Variants in SGCZ observed in about 807,000 individuals in gnomAD.
The protein encoded by SGCZ is sarcoglycan zeta.
Under a neutral mutation model 41.3 loss-of-function variants are expected in SGCZ, and 40 were observed. The ratio of observed to expected loss-of-function variants is 0.97; its 90% CI spans 0.75 to 1.26. The LOEUF (loss-of-function observed/expected upper bound fraction) is 1.26, where lower values mean the gene tolerates loss of function less well. Ranked by LOEUF, SGCZ falls within the 50% of genes most tolerant of loss-of-function variation. SGCZ has a pLI of 0.00. For synonymous variants in SGCZ, 206 were observed against 137.5 expected, an observed-to-expected ratio of 1.50 and a Z score of -3.49; for missense variants, 552 against 369.8, an observed-to-expected ratio of 1.49 and a Z score of -4.04.
chr8:14,277,862 T>C (rs1464909727), intron 3 of SGCZ, among the ~76,000 whole-genome samples: 2 of 151,782 alleles, frequency 1.3e-5, no homozygotes, highest in Non-Finnish European at 2.9e-5. Flanking sequence ...TTTAGGAATG[T>C]AAGCAAATAA....
At chr8:15,175,109 T>C (rs1026389379) in intron 1 of SGCZ, among the ~76,000 whole-genome samples, 1 of 151,344 alleles carries the variant, frequency 6.6e-6, no homozygotes, top group African/African-American at 2.4e-5. Flanking sequence ...GAACTTAAAG[T>C]AAACTAAAAA....
chr8:14,551,543 AT>A (rs1803845178), intron 2 of SGCZ, among the ~76,000 whole-genome samples: 1 of 3,730 alleles, frequency 2.7e-4, no homozygotes, highest in African/African-American at 6.4e-4. Context: ...AATATATATA[AT>A]ATATATAATA....
intron 2 of SGCZ, among the ~76,000 whole-genome samples, chr8:14,392,530 T>C (rs1804812874): frequency 6.6e-6 from 1 of 152,324 alleles, no homozygotes; most frequent in African/African-American, 2.4e-5. Context: ...AAGCAGATTG[T>C]ACTATATTCA....
chr8:14,095,753 T>G (rs1445358134), intron 7 of SGCZ, among the ~76,000 whole-genome samples: 3 of 152,314 alleles, frequency 2.0e-5, no homozygotes, highest in Admixed American at 2.0e-4. Flanking sequence ...TGTTTTTCCA[T>G]TTGTTTGTGT....
At chr8:14,271,264 T>A (rs1210840074) in intron 3 of SGCZ, among the ~76,000 whole-genome samples, 1 of 152,202 alleles carries the variant, frequency 6.6e-6, no homozygotes, top group Non-Finnish European at 1.5e-5. Flanking sequence ...AAAAGATCTG[T>A]GAATCGTGTT....
chr8:15,002,750 T>A (rs555631630), intron 1 of SGCZ, among the ~76,000 whole-genome samples: 1 of 152,182 alleles, frequency 6.6e-6, no homozygotes, highest in African/African-American at 2.4e-5. Context: ...TCTGCAAATA[T>A]TCTTTTGTAA....
chr8:14,434,753 C>G (rs962406954), intron 2 of SGCZ, among the ~76,000 whole-genome samples: 1 of 152,024 alleles, frequency 6.6e-6, no homozygotes, highest in Non-Finnish European at 1.5e-5. Flanking sequence ...AAGTTGAGTT[C>G]TTGATTCTCA....
rs539680772 is a variant in SGCZ at position 14,390,501 on chromosome 8, T to C, written c.235-66297A>G. 1.4e-4 allele frequency among the ~76,000 whole-genome samples: 21 copies of C among 151,790 alleles called. No homozygotes were observed. The South Asian group carries it at 4.4e-3, about 31-fold the overall frequency. Reference sequence around the variant, plus strand: ...AAGACTTTTAAACACAGAGGATAAATTCCATAAGGAACATGAAATTTACAT... The same window carrying C: ...AAGACTTTTAAACACAGAGGATAAACTCCATAAGGAACATGAAATTTACAT... On this transcript the variant is annotated intron_variant, in intron 2 of 7. Coordinates refer to ENST00000382080, the MANE Select transcript of SGCZ (RefSeq NM_139167.4).
chr8:14,632,485 G>A (rs1190865098), intron 1 of SGCZ, among the ~76,000 whole-genome samples: 2 of 152,044 alleles, frequency 1.3e-5, no homozygotes, highest in Admixed American at 6.6e-5. Context: ...GTTATTCAAC[G>A]TATGGCTTCA....
At chr8:14,720,907 A>C (rs1035946773) in intron 1 of SGCZ, among the ~76,000 whole-genome samples, 1 of 62,782 alleles carries the variant, frequency 1.6e-5, no homozygotes, top group Non-Finnish European at 3.5e-5. Context: ...TACTTCATGG[A>C]AACTGTTTTT....
chr8:14,968,674 G>C (rs1188617813), intron 1 of SGCZ, among the ~76,000 whole-genome samples: 1 of 152,062 alleles, frequency 6.6e-6, no homozygotes. Flanking sequence ...AAGAGGAGGA[G>C]GTTTAAATAC....
At chr8:14,227,867 A>C (rs980539499) in intron 4 of SGCZ, among the ~76,000 whole-genome samples, 10 of 152,096 alleles carry the variant, frequency 6.6e-5, no homozygotes, top group Admixed American at 2.6e-4. Context: ...CAAAATCTAA[A>C]GTGAAAGTCA....
chr8:14,507,229 T>C (rs1236211460), intron 2 of SGCZ, among the ~76,000 whole-genome samples: 2 of 152,172 alleles, frequency 1.3e-5, no homozygotes. Flanking sequence ...ATGTAGCCAT[T>C]CGCACCAGCA....
At chr8:14,317,940 T>G (rs141448664) in intron 3 of SGCZ, among the ~76,000 whole-genome samples, 2 of 150,234 alleles carry the variant, frequency 1.3e-5, no homozygotes, top group African/African-American at 4.9e-5. Context: ...CTTTCAAAAA[T>G]AGCAAAAACA....
chr8:14,365,032 G>A (rs1803647260), intron 2 of SGCZ, among the ~76,000 whole-genome samples: 1 of 151,800 alleles, frequency 6.6e-6, no homozygotes. Context: ...ATGGTAAAAT[G>A]TACATATATA....
At chr8:14,663,428 G>A (rs937477918) in intron 1 of SGCZ, among the ~76,000 whole-genome samples, 1 of 152,082 alleles carries the variant, frequency 6.6e-6, no homozygotes, top group African/African-American at 2.4e-5. Context: ...ATTATGTCCA[G>A]GTGATATCTC....
At chr8:14,580,029 T>C (rs1804836309) in intron 1 of SGCZ, among the ~76,000 whole-genome samples, 1 of 152,200 alleles carries the variant, frequency 6.6e-6, no homozygotes, top group Non-Finnish European at 1.5e-5. Context: ...GAAGGCCTGT[T>C]TGGCTGAAGG....
chr8:15,170,438 C>G (rs1455375584), intron 1 of SGCZ, among the ~76,000 whole-genome samples: 1 of 152,158 alleles, frequency 6.6e-6, no homozygotes, highest in Non-Finnish European at 1.5e-5. Context: ...GATAAATGGA[C>G]AACTTTCCAC....
intron 1 of SGCZ, among the ~76,000 whole-genome samples, chr8:15,077,873 C>A (rs749602075): frequency 6.6e-6 from 1 of 152,192 alleles, no homozygotes; most frequent in African/African-American, 2.4e-5. Flanking sequence ...ATGCAGGAGG[C>A]AGACAAATGC....
Sources: gnomAD v4.1 joint callset for allele counts (sites outside exome capture counted in the v4.1 genomes callset) on GRCh38, gnomAD v4.1.1 for gene constraint, MANE v1.5 for transcripts, NCBI Gene and HGNC (gene_info 2026-07-23, HGNC 2026-07-21) for gene names.